HELZ: variants seen among roughly 807,000 people sequenced by gnomAD.
The protein encoded by HELZ is ATP-dependent RNA helicase with zinc finger domain.
In HELZ, 23 loss-of-function variants were observed where a neutral mutation model predicts 218.2. The ratio of observed to expected loss-of-function variants is 0.11; its 90% confidence interval spans 0.08 to 0.15. HELZ has a LOEUF of 0.15. HELZ is among the 10% of genes least tolerant of loss of function. The pLI, the probability that HELZ is intolerant of heterozygous loss-of-function variation, is 1.00. For missense variants in HELZ, 1,813 were observed against 2,353.7 expected (o/e 0.77, Z 4.75); for synonymous variants, 814 against 829.4 (o/e 0.98, Z 0.32).
At chr17:67,131,699 T>G (rs552865406) in intron 23 of HELZ, among the ~76,000 whole-genome samples, 1 of 152,166 alleles carries the variant, frequency 6.6e-6, no homozygotes, top group African/African-American at 2.4e-5. Flanking sequence ...AGTTTCCTCA[T>G]GTGCAAAGTG....
intron 12 of HELZ, among the ~76,000 whole-genome samples, chr17:67,184,095 TAAC>T (rs2039685673): frequency 6.6e-6 from 1 of 152,136 alleles, no homozygotes; most frequent in Non-Finnish European, 1.5e-5. Context: ...GTTCAATACT[TAAC>T]AATGAACTAG....
chr17:67,207,541 T>C (rs1478553289), intron 5 of HELZ, among the ~76,000 whole-genome samples: 1 of 152,100 alleles, frequency 6.6e-6, no homozygotes, highest in Non-Finnish European at 1.5e-5. Flanking sequence ...TTTTATCAAA[T>C]CCTTAGTTAC....
In HELZ at chr17:67,077,145, T is replaced by G. The variant is rs530828368; in HGVS notation, c.*1107A>C. ...AACAAGGGTAGTTTTCTGCCCCAGATTCTGATGAATTTTGATACATTTTTG... is the reference window on the plus strand; with the variant it reads ...AACAAGGGTAGTTTTCTGCCCCAGAGTCTGATGAATTTTGATACATTTTTG... On this transcript the variant is annotated 3_prime_UTR_variant, in exon 33 of 33. Coordinates refer to ENST00000358691, the MANE Select transcript of HELZ (RefSeq NM_014877.4). The G allele has an allele frequency of 1.3e-5, 2 of 152,604 alleles. No homozygotes were observed. The highest frequency in any genetic ancestry group is 2.9e-5 in the Non-Finnish European group (2 of 68,032). 9.5% of individuals were successfully genotyped at this position (152,604 alleles called of 1,614,324 possible).
intron 3 of HELZ, chr17:67,224,560 A>T: frequency 2.3e-6 from 1 of 434,702 alleles, no homozygotes; most frequent in South Asian, 2.1e-5. Flanking sequence ...AAAATAGTGT[A>T]TACACGATTA....
At position 67,213,616 on chromosome 17, in the gene HELZ, A is replaced by C. The variant is rs143656923; in HGVS notation, c.247+2283T>G. 1.9e-3 allele frequency among the ~76,000 whole-genome samples: 282 copies of C among 152,166 alleles called. 2 individuals are homozygous for C. Among genetic ancestry groups the C allele is most frequent in the African/African-American group, 6.6e-3 (274 of 41,534 alleles). On this transcript the variant is annotated intron_variant, in intron 5 of 32. Transcript: ENST00000358691. Reference sequence around the variant, plus strand: ...CAGCCTGATGACAGAGCGAGACTCCATCTCAAAAAAAATAAATAAAATAAA... The same window carrying C: ...CAGCCTGATGACAGAGCGAGACTCCCTCTCAAAAAAAATAAATAAAATAAA...
chr17:67,182,696 CT>C (rs767979076), intron 12 of HELZ, among the ~76,000 whole-genome samples: 3 of 152,138 alleles, frequency 2.0e-5, no homozygotes, highest in African/African-American at 7.2e-5. Flanking sequence ...AGATAACAGT[CT>C]TTTGAAGGGG....
chr17:67,071,476 G>A lies in HELZ; in HGVS notation c.*6776C>T, dbSNP rs2035883727. Reference sequence around the variant, plus strand: ...AAAGGTGAGCAAGCCTTTTCAGTAGGAAGGACTGTGTCTTAAGAAAACTCC... The same window carrying A: ...AAAGGTGAGCAAGCCTTTTCAGTAGAAAGGACTGTGTCTTAAGAAAACTCC... On this transcript the variant is annotated 3_prime_UTR_variant, in exon 33 of 33. Transcript: ENST00000358691. The A allele has an allele frequency of 1.3e-5, 2 of 152,194 alleles. No homozygotes were observed. The highest frequency in any genetic ancestry group is 4.8e-5 in the African/African-American group (2 of 41,440). The allele number at this position is 152,194 out of a possible 1,614,324, so 9.4% of individuals were successfully genotyped here.
intron 21 of HELZ, among the ~76,000 whole-genome samples, chr17:67,140,054 C>T (rs1034149237): frequency 3.3e-5 from 5 of 152,200 alleles, no homozygotes; most frequent in African/African-American, 9.6e-5. Context: ...TTTTCTCTAG[C>T]TTCCTAGGAC....
At chr17:67,149,562 G>A (rs1282114630) in intron 19 of HELZ, among the ~76,000 whole-genome samples, 1 of 151,950 alleles carries the variant, frequency 6.6e-6, no homozygotes, top group Non-Finnish European at 1.5e-5. Context: ...CTACAGGAAT[G>A]ATCATTTAAA....
rs377393393 is a variant in HELZ at position 67,114,358 on chromosome 17, C to T, written c.3884G>A (p.Arg1295Gln). 7.4e-6 allele frequency: 12 copies of T among 1,611,192 alleles called. No individual in the cohort carries two copies. Among genetic ancestry groups the T allele is most frequent in the African/African-American group, 1.3e-5 (1 of 74,800 alleles). The change falls in exon 28 of 33, where the codon CGA becomes CAA. Residue 1295 changes from arginine (R) to glutamine (Q), a missense_variant. Arg to Gln is a conservative substitution (Grantham distance 43). Coordinates refer to ENST00000358691, the MANE Select transcript of HELZ (RefSeq NM_014877.4). ...TTCTGTTGGCTTTTTCTCTGGTGTT[C>T]GAATCTTATTAATTTCAGGTCCGGA... ...NNSGPEINKIRTPEKKPTEPK... is the reference protein window; with the variant it reads ...NNSGPEINKIQTPEKKPTEPK...
chr17:67,120,599 C>A lies in HELZ; in HGVS notation c.3644G>T (p.Gly1215Val), dbSNP rs2037580157. ...MSVPLPVPWT[G>V]YQGRFAVDPR... ...ATCAACTGCAAACCTACCCTGGTAT[C>A]CTGTCCATGGTACCTAGGTTATTAA... The change falls in exon 27 of 33, where the codon GGA (glycine) becomes GTA (valine). Residue 1215 changes from glycine to valine, a missense_variant. Transcript: ENST00000358691. The A allele has an allele frequency of 6.2e-7, 1 of 1,611,038 alleles. No homozygotes were observed. Among genetic ancestry groups the A allele is most frequent in the South Asian group, 1.1e-5 (1 of 90,974 alleles).
chr17:67,164,389 G>A (rs2039077769), intron 15 of HELZ, among the ~76,000 whole-genome samples: 1 of 152,132 alleles, frequency 6.6e-6, no homozygotes, highest in Non-Finnish European at 1.5e-5. Flanking sequence ...GATCTTCAGT[G>A]AATTAACATT....
chr17:67,130,404 G>GA (rs905988742), intron 23 of HELZ, among the ~76,000 whole-genome samples: 1 of 151,966 alleles, frequency 6.6e-6, no homozygotes, highest in Non-Finnish European at 1.5e-5. Context: ...AATGGGTTCA[G>GA]AAAAAATTTT....
rs2035860354 is a variant in HELZ, at chr17:67,070,497, ATT to A, written c.*7753_*7754del. Reference sequence around the variant, plus strand: ...CATTTTAGTTGTAGCAGTAAAATACATTTTGTTACCATGAATCTTTGAAAACA... The same window carrying A: ...CATTTTAGTTGTAGCAGTAAAATACATTGTTACCATGAATCTTTGAAAACA... On this transcript the variant is annotated 3_prime_UTR_variant, in exon 33 of 33. Transcript: ENST00000358691. 6.6e-6 allele frequency: 1 copy of A among 152,216 alleles called. No homozygotes were observed. The highest frequency in any genetic ancestry group is 2.4e-5 in the African/African-American group (1 of 41,470). 9.4% of individuals were successfully genotyped at this position (152,216 alleles called of 1,614,324 possible).
intron 23 of HELZ, among the ~76,000 whole-genome samples, chr17:67,129,707 G>C (rs1325843884): frequency 1.3e-5 from 2 of 152,036 alleles, no homozygotes; most frequent in Non-Finnish European, 2.9e-5. Context: ...AAATTCATAA[G>C]TACTAAAGGA....
chr17:67,160,504 T>C (rs1407376825), intron 16 of HELZ, 142 bp from the exon 17 acceptor site: 1 of 597,880 alleles, frequency 1.7e-6, no homozygotes, highest in Admixed American at 3.0e-5. Flanking sequence ...CATTATTCAG[T>C]GATACCTTTA....
chr17:67,163,461 C>T (rs554595236), intron 15 of HELZ, among the ~76,000 whole-genome samples: 26 of 151,976 alleles, frequency 1.7e-4, no homozygotes, highest in African/African-American at 5.8e-4. Flanking sequence ...TGCAGTGGCG[C>T]GATCTCGGTT....
At chr17:67,175,067 A>C (rs2039417169) in intron 13 of HELZ, among the ~76,000 whole-genome samples, 1 of 152,178 alleles carries the variant, frequency 6.6e-6, no homozygotes, top group Non-Finnish European at 1.5e-5. Flanking sequence ...AACATTCTTC[A>C]TGATTCTAAT....
intron 27 of HELZ, 57 bp downstream of exon 27, chr17:67,120,348 G>A: frequency 7.2e-7 from 1 of 1,393,934 alleles, no homozygotes; most frequent in Non-Finnish European, 1.0e-6. Flanking sequence ...TTTCTATGTG[G>A]CTAAAACTTT....
Sources: gnomAD v4.1 joint callset for allele counts (sites outside exome capture counted in the v4.1 genomes callset) on GRCh38, gnomAD v4.1.1 for gene constraint, MANE v1.5 for transcripts, NCBI Gene and HGNC (gene_info 2026-07-23, HGNC 2026-07-21) for gene names.